Variants in HOXD11 observed in about 807,000 individuals in gnomAD.
The protein encoded by HOXD11 is homeobox protein Hox-D11.
In HOXD11, 16 loss-of-function variants were observed where a neutral mutation model predicts 23.1. That is an observed-to-expected ratio of 0.69 (90% CI 0.47 to 1.05). HOXD11 has a LOEUF of 1.05. Ranked by LOEUF, HOXD11 falls within the 50% of genes least tolerant of loss-of-function variation. The pLI is 0.00. For synonymous variants in HOXD11, 262 were observed against 224.4 expected (o/e 1.17, Z -1.50); for missense variants, 564 against 495.6 (o/e 1.14, Z -1.31).
At position 176,109,005 on chromosome 2, in the gene HOXD11, G is replaced by C. The variant is rs775482813; in HGVS notation, c.880G>C (p.Glu294Gln). 9 of 1,614,090 alleles carry C rather than the reference G, an allele frequency of 5.6e-6. No individual in the cohort carries two copies. Among genetic ancestry groups the C allele is most frequent in the Middle Eastern group, 1.6e-4 (1 of 6,062 alleles). The part of the protein sequence containing the change: ...EFFFNVYINK[E>Q]KRLQLSRMLN... ...TTTCTTTAACGTGTACATAAACAAA[G>C]AGAAAAGACTTCAACTCTCTCGGAT... is the stretch of plus-strand genomic sequence containing the variant. Residue 294 changes from glutamate (E) to glutamine (Q), a missense_variant, in exon 2 of 2, where the codon GAG becomes CAG. Coordinates refer to ENST00000249504, the MANE Select transcript of HOXD11 (RefSeq NM_021192.3).
At chr2:176,112,033 C>G (rs928409747), downstream of HOXD11, among the ~76,000 whole-genome samples, 9 of 152,094 alleles carry the variant, frequency 5.9e-5, no homozygotes, top group African/African-American at 1.9e-4. Context: ...CCAGTGGCGA[C>G]CGAGTGGCGC....
downstream of HOXD11, among the ~76,000 whole-genome samples, chr2:176,111,799 C>G (rs535004003): frequency 1.4e-5 from 2 of 141,194 alleles, no homozygotes; most frequent in Non-Finnish European, 3.0e-5. Context: ...GTTGGACACC[C>G]CCTACTTAAC....
In HOXD11 at chr2:176,109,579, G is replaced by A; in HGVS notation, c.*437G>A. On this transcript the variant is annotated 3_prime_UTR_variant, in exon 2 of 2. Coordinates refer to ENST00000249504, the MANE Select transcript of HOXD11 (RefSeq NM_021192.3). ...ACTTTGGGAAATGTACTTTTAGTCT[G>A]TCATATCAAGGCATGAGTCACTGTC... 4.1e-6 allele frequency: 1 copy of A among 245,742 alleles called. No homozygotes were observed. The highest frequency in any genetic ancestry group is 5.9e-5 in the East Asian group (1 of 16,880). 15.2% of individuals were successfully genotyped at this position (245,742 alleles called of 1,614,324 possible). A position where few individuals can be genotyped will look rare whatever the true frequency, so the allele number is the denominator to read the frequency against.
chr2:176,110,370 G>A (rs776705905), downstream of HOXD11, among the ~76,000 whole-genome samples: 2 of 152,182 alleles, frequency 1.3e-5, no homozygotes, highest in Admixed American at 6.5e-5. Context: ...CTTCTGGTGG[G>A]CCCAAAAGAG....
rs775774357 is a variant in HOXD11 at position 176,107,293 on chromosome 2, G to C, written c.-63G>C. ...CCTGGCCCAAGCCTCTTGTGCAATC[G>C]ATGGCTCAGGTTGGCTGCGCGGGGA... On this transcript the variant is annotated 5_prime_UTR_variant, in exon 1 of 2. Transcript: ENST00000249504. 1 of 1,556,894 alleles carries C rather than the reference G, an allele frequency of 6.4e-7. No homozygotes were observed. The highest frequency in any genetic ancestry group is 8.7e-7 in the Non-Finnish European group (1 of 1,150,078).
chr2:176,110,848 T>C (rs148103567), downstream of HOXD11, among the ~76,000 whole-genome samples: 1 of 152,192 alleles, frequency 6.6e-6, no homozygotes, highest in East Asian at 1.9e-4. Flanking sequence ...TGTAATGCAA[T>C]AGCAGTCAAC....
intron 1 of HOXD11, chr2:176,108,693 G>GTA: frequency 1.7e-6 from 1 of 580,906 alleles, no homozygotes; most frequent in Non-Finnish European, 3.1e-6. Context: ...GTGTGTGTGT[G>GTA]TGTGTCCGGG....
Position 176,109,593 on chromosome 2 carries a change from T to G in HOXD11, c.*451T>G, listed in dbSNP as rs1437502342. On this transcript the variant is annotated 3_prime_UTR_variant, in exon 2 of 2. Transcript: ENST00000249504. ...ACTTTTAGTCTGTCATATCAAGGCA[T>G]GAGTCACTGTCTTTTTTTGTGTGAA... 1 of 236,820 alleles carries G rather than the reference T, an allele frequency of 4.2e-6. No individual in the cohort carries two copies. Among genetic ancestry groups the G allele is most frequent in the Non-Finnish European group, 8.3e-6 (1 of 120,238 alleles). The allele number at this position is 236,820 out of a possible 1,614,324, so 14.7% of individuals were successfully genotyped here.
At chr2:176,113,630 C>T (rs1398492618), downstream of HOXD11, among the ~76,000 whole-genome samples, 1 of 152,096 alleles carries the variant, frequency 6.6e-6, no homozygotes, top group East Asian at 1.9e-4. Context: ...CTTTGGGGCT[C>T]GGATCATTCT....
At chr2:176,108,536 G>A (rs1689622223) in intron 1 of HOXD11, among the ~76,000 whole-genome samples, 1 of 152,022 alleles carries the variant, frequency 6.6e-6, no homozygotes, top group East Asian at 2.0e-4. Context: ...TATCCAAGCC[G>A]CTAGCTGACG....
At chr2:176,109,847 T>A (rs1183288600), downstream of HOXD11, 1 of 159,710 alleles carries the variant, frequency 6.3e-6, no homozygotes, top group Non-Finnish European at 1.4e-5. Context: ...ATTGACGATG[T>A]GACCAAGCAA....
chr2:176,107,827 G>A lies in HOXD11; in HGVS notation c.472G>A (p.Ala158Thr). 6 of 1,424,306 alleles carry A rather than the reference G, an allele frequency of 4.2e-6. No homozygotes were observed. The highest frequency in any genetic ancestry group is 4.6e-6 in the Non-Finnish European group (5 of 1,086,638). 88.2% of individuals were successfully genotyped at this position (1,424,306 alleles called of 1,614,324 possible). The change falls in exon 1 of 2, where the codon GCG becomes ACG. Residue 158 changes from alanine to threonine, a missense_variant. By Grantham distance (58) the Ala-to-Thr change is moderately conservative. Transcript: ENST00000249504. ...CAAPGPPHGP[A>T]GAASNFYSAV... ...TGCGCCGGGGCCGCCGCACGGCCCCGCGGGCGCCGCCTCCAACTTCTACAG... is the reference window on the plus strand; with the variant it reads ...TGCGCCGGGGCCGCCGCACGGCCCCACGGGCGCCGCCTCCAACTTCTACAG...
Position 176,109,028 on chromosome 2 carries a change from G to C in HOXD11, c.903G>C (p.Arg301=), listed in dbSNP as rs759069012. The change falls in exon 2 of 2, where the codon CGG becomes CGC. Residue 301 remains arginine (R), a synonymous_variant. Transcript: ENST00000249504. ...INKEKRLQLS[R]MLNLTDRQVK... ...AAGAGAAAAGACTTCAACTCTCTCG[G>C]ATGCTCAACCTCACTGACCGGCAAG... 1 of 1,613,960 alleles carries C rather than the reference G, an allele frequency of 6.2e-7. No individual in the cohort carries two copies. The highest frequency in any genetic ancestry group is 8.5e-7 in the Non-Finnish European group (1 of 1,179,908).
Position 176,107,716 on chromosome 2 carries a change from G to A in HOXD11, c.361G>A (p.Glu121Lys), listed in dbSNP as rs1689602559. 2.7e-6 allele frequency: 3 copies of A among 1,118,658 alleles called. No individual in the cohort carries two copies. The highest frequency in any genetic ancestry group is 3.3e-6 in the Non-Finnish European group (3 of 919,038). The allele number at this position is 1,118,658 out of a possible 1,614,324, so 69.3% of individuals were successfully genotyped here. A position where few individuals can be genotyped will look rare whatever the true frequency, so the allele number is the denominator to read the frequency against. The change falls in exon 1 of 2, where the codon GAG (glutamate) becomes AAG (lysine). Residue 121 changes from glutamate (E) to lysine (K), a missense_variant. By Grantham distance (56) the Glu-to-Lys change is moderately conservative. Transcript: ENST00000249504. ...AAAAAAAAAA[E>K]EAAMQRELLP... ...GGCGGCTGCGGCGGCCGCGGCGGCC[G>A]AGGAGGCGGCCATGCAACGCGAGCT... is the stretch of plus-strand genomic sequence containing the variant.
downstream of HOXD11, among the ~76,000 whole-genome samples, chr2:176,110,945 CT>C (rs1448140851): frequency 6.6e-6 from 1 of 152,154 alleles, no homozygotes; most frequent in African/African-American, 2.4e-5. Context: ...GGCGGGGGGT[CT>C]TAAATAGTGG....
chr2:176,109,178 ACCCACCCTCCTT>A lies in HOXD11; in HGVS notation c.*43_*54del. The A allele has an allele frequency of 7.8e-7, 1 of 1,288,898 alleles. No homozygotes were observed. Among genetic ancestry groups the A allele is most frequent in the South Asian group, 1.2e-5 (1 of 83,462 alleles). The allele number at this position is 1,288,898 out of a possible 1,614,324, so 79.8% of individuals were successfully genotyped here. ...AAGCGCCCTCACCCCAGCCCCACTC[ACCCACCCTCCTT>A]CCCACCAGCCTGCTCTCCGCAGGCC... is the stretch of plus-strand genomic sequence containing the variant. On this transcript the variant is annotated 3_prime_UTR_variant, in exon 2 of 2. Coordinates refer to ENST00000249504, the MANE Select transcript of HOXD11 (RefSeq NM_021192.3).
At chr2:176,113,707 G>A (rs1192647597), downstream of HOXD11, among the ~76,000 whole-genome samples, 1 of 152,112 alleles carries the variant, frequency 6.6e-6, no homozygotes, top group Non-Finnish European at 1.5e-5. Flanking sequence ...ACAGTCTCTT[G>A]TCTCAAGGAG....
Position 176,109,347 on chromosome 2 carries a change from A to C in HOXD11, c.*205A>C. Reference sequence around the variant, plus strand: ...GGGACTTGGCCGAGCGGATCCTAATAAGGGGAAAATGGTAAATGCAAACGT... The same window carrying C: ...GGGACTTGGCCGAGCGGATCCTAATCAGGGGAAAATGGTAAATGCAAACGT... On this transcript the variant is annotated 3_prime_UTR_variant, in exon 2 of 2. Coordinates refer to ENST00000249504, the MANE Select transcript of HOXD11 (RefSeq NM_021192.3). The C allele has an allele frequency of 1.8e-6, 1 of 553,908 alleles. No individual in the cohort carries two copies. The highest frequency in any genetic ancestry group is 3.2e-6 in the Non-Finnish European group (1 of 311,054). 34.3% of individuals were successfully genotyped at this position (553,908 alleles called of 1,614,324 possible).
chr2:176,108,155 GCAAGCGGTGGGCCC>G lies in HOXD11; in HGVS notation c.781+20_781+33del, dbSNP rs1689612938. ...AGCGCAGGTAGGCACCGGGTACTGG[GCAAGCGGTGGGCCC>G]GGGGGCCGCGGGGGAGGGGGGGGGG... On this transcript the variant is annotated intron_variant, in intron 1 of 1. Coordinates refer to ENST00000249504, the MANE Select transcript of HOXD11 (RefSeq NM_021192.3). 1 of 1,267,812 alleles carries G rather than the reference GCAAGCGGTGGGCCC, an allele frequency of 7.9e-7. No homozygotes were observed. Among genetic ancestry groups the G allele is most frequent in the Admixed American group, 4.2e-5 (1 of 24,052 alleles). The allele number at this position is 1,267,812 out of a possible 1,614,324, so 78.5% of individuals were successfully genotyped here.
Sources: gnomAD v4.1 joint callset for allele counts (sites outside exome capture counted in the v4.1 genomes callset) on GRCh38, gnomAD v4.1.1 for gene constraint, MANE v1.5 for transcripts, NCBI Gene and HGNC (gene_info 2026-07-23, HGNC 2026-07-21) for gene names.